DMD: variants seen among roughly 807,000 people sequenced by gnomAD.
DMD encodes mutant dystrophin.
Under a neutral mutation model 330.1 loss-of-function variants are expected in DMD, and 63 were observed. That is an observed-to-expected ratio of 0.19 (90% CI 0.16 to 0.24). The LOEUF (loss-of-function observed/expected upper bound fraction) is 0.24. Among genes scored for constraint, DMD ranks in the 10% least tolerant of loss-of-function variants. The probability of loss-of-function intolerance (pLI) is 1.00; values close to 1 mark genes in which losing one functional copy is unlikely to be tolerated. For synonymous variants in DMD, 1,223 were observed against 959.8 expected (o/e 1.27, Z -5.07); for missense variants, 3,344 against 2,684.1 (o/e 1.25, Z -5.43).
chrX:32,194,954 C>T (rs1244296486), intron 44 of DMD, among the ~76,000 whole-genome samples: 4 of 111,268 alleles, frequency 3.6e-5, no homozygotes, highest in African/African-American at 1.3e-4. Flanking sequence ...ATCCATTTTG[C>T]TGCGGTGTAG....
intron 1 of DMD, among the ~76,000 whole-genome samples, chrX:33,324,078 A>T (rs2148958332): frequency 9.0e-6 from 1 of 111,694 alleles, no homozygotes; most frequent in African/African-American, 3.3e-5. Flanking sequence ...GATTATATAT[A>T]AAATTAAATG....
At chrX:32,587,536 A>T (rs1028217320) in intron 13 of DMD, among the ~76,000 whole-genome samples, 4 of 111,637 alleles carry the variant, frequency 3.6e-5, no homozygotes, top group Non-Finnish European at 7.5e-5. Context: ...CATGCTTTTT[A>T]AAGCTGAAGT....
chrX:32,625,747 A>C (rs2058306205), intron 11 of DMD, among the ~76,000 whole-genome samples: 1 of 112,282 alleles, frequency 8.9e-6, no homozygotes, highest in African/African-American at 3.2e-5. Flanking sequence ...GGCACTAACT[A>C]ATAAAGGCAT....
intron 51 of DMD, among the ~76,000 whole-genome samples, chrX:31,736,362 T>C (rs773295716): frequency 1.3e-3 from 139 of 111,133 alleles, no homozygotes; most frequent in African/African-American, 4.5e-3. Flanking sequence ...AAAGTCACTA[T>C]AGGAAAAATG....
chrX:33,154,163 G>A (rs1429975521), intron 1 of DMD, among the ~76,000 whole-genome samples: 3 of 111,815 alleles, frequency 2.7e-5, no homozygotes, highest in Admixed American at 9.5e-5. Context: ...TTGGGAGGCC[G>A]AGGCAGGCAG....
At chrX:31,310,370 T>C (rs527922339) in intron 62 of DMD, among the ~76,000 whole-genome samples, 26 of 110,017 alleles carry the variant, frequency 2.4e-4, no homozygotes, top group African/African-American at 7.6e-4. Context: ...CTATCTAGGA[T>C]TCATTCTTTT....
chrX:31,321,189 T>G (rs2056385756), intron 62 of DMD, among the ~76,000 whole-genome samples: 1 of 111,969 alleles, frequency 8.9e-6, no homozygotes, highest in South Asian at 3.7e-4. Flanking sequence ...TCTTCGGTTT[T>G]TAAGTTTGGA....
In DMD at chrX:31,486,793, T is replaced by C. The variant is rs192288218; in HGVS notation, c.8548-7690A>G. 5.0e-3 allele frequency among the ~76,000 whole-genome samples: 565 copies of C among 112,433 alleles called. 3 individuals are homozygous for C. Among genetic ancestry groups the C allele is most frequent in the South Asian group, 0.012 (31 of 2,695 alleles). On this transcript the variant is annotated intron_variant, in intron 57 of 78. Transcript: ENST00000357033. ...ATCATTCTTGTTCCTGTGTTATTTC[T>C]ACCTTATTTTTTATGTCTCCTGTAT...
intron 61 of DMD, among the ~76,000 whole-genome samples, chrX:31,344,923 A>G (rs1387421044): frequency 1.8e-5 from 2 of 111,498 alleles, no homozygotes; most frequent in Non-Finnish European, 3.8e-5. Flanking sequence ...CAAATTTCTG[A>G]TAGTGATTAT....
At chrX:33,304,180 A>C (rs189213917) in intron 1 of DMD, among the ~76,000 whole-genome samples, 1,627 of 111,732 alleles carry the variant, frequency 0.015, 42 homozygotes, top group African/African-American at 0.051. Flanking sequence ...ACAAGGCTAC[A>C]GTAACCAAAA....
At chrX:31,945,368 G>A (rs747459553) in intron 45 of DMD, among the ~76,000 whole-genome samples, 3 of 111,480 alleles carry the variant, frequency 2.7e-5, no homozygotes, top group South Asian at 3.8e-4. Context: ...ATGGAGTCTC[G>A]CTCTGTCACC....
At chrX:32,702,932 G>A (rs1181593178) in intron 7 of DMD, among the ~76,000 whole-genome samples, 2 of 111,378 alleles carry the variant, frequency 1.8e-5, no homozygotes, top group Admixed American at 1.9e-4. Flanking sequence ...GACACTGATT[G>A]TTCTGCAGCC....
chrX:32,710,199 G>A (rs1466623902), intron 7 of DMD, among the ~76,000 whole-genome samples: 1 of 109,542 alleles, frequency 9.1e-6, no homozygotes, highest in Non-Finnish European at 1.9e-5. Flanking sequence ...TCTCTTGTGA[G>A]TTAAGAATAC....
At chrX:33,321,907 A>G (rs1603430432) in intron 1 of DMD, among the ~76,000 whole-genome samples, 2 of 111,633 alleles carry the variant, frequency 1.8e-5, no homozygotes, top group Middle Eastern at 9.3e-3. Context: ...AAACTTCATA[A>G]ACCAACTTCT....
intron 12 of DMD, among the ~76,000 whole-genome samples, chrX:32,613,801 AAAC>A (rs1289875376): frequency 4.5e-5 from 5 of 111,797 alleles, no homozygotes; most frequent in African/African-American, 1.6e-4. Flanking sequence ...TTTTTTAAAA[AAAC>A]AACAACAAAT....
At chrX:33,248,606 T>C (rs749786448) in intron 1 of DMD, among the ~76,000 whole-genome samples, 1 of 111,904 alleles carries the variant, frequency 8.9e-6, no homozygotes, top group South Asian at 3.6e-4. Context: ...AATGTAGTTA[T>C]TAAAAAATAC....
chrX:32,165,694 GC>G (rs1326974342), intron 44 of DMD, among the ~76,000 whole-genome samples: 2 of 111,528 alleles, frequency 1.8e-5, no homozygotes, highest in African/African-American at 6.5e-5. Context: ...TTTGGGAGGG[GC>G]CAGGAGCAAA....
chrX:33,170,773 C>T (rs1016187592), intron 1 of DMD, among the ~76,000 whole-genome samples: 1 of 111,627 alleles, frequency 9.0e-6, no homozygotes, highest in Non-Finnish European at 1.9e-5. Flanking sequence ...CTGAACTTCA[C>T]AGAAGTAGAC....
chrX:31,635,593 C>G lies in DMD; in HGVS notation c.8028-7731G>C, dbSNP rs147382621. Among the ~76,000 whole-genome samples the G allele has an allele frequency of 2.2e-3, 248 of 111,746 alleles. 1 individual carries two copies. Among genetic ancestry groups the G allele is most frequent in the African/African-American group, 7.8e-3 (241 of 30,804 alleles). The stretch of plus-strand genomic sequence containing the variant: ...GATTCACTTTAAAAGAAAGAAGTGG[C>G]TAAAAACATATCAACAGATGAAATA... On this transcript the variant is annotated intron_variant, in intron 54 of 78. Coordinates refer to ENST00000357033, the MANE Select transcript of DMD (RefSeq NM_004006.3).
Sources: gnomAD v4.1 joint callset for allele counts (sites outside exome capture counted in the v4.1 genomes callset) on GRCh38, gnomAD v4.1.1 for gene constraint, MANE v1.5 for transcripts, NCBI Gene and HGNC (gene_info 2026-07-23, HGNC 2026-07-21) for gene names.